NLGN4Y: variants seen among roughly 807,000 people sequenced by gnomAD.
The protein encoded by NLGN4Y is neuroligin 4 Y-linked.
In NLGN4Y, 4 loss-of-function variants were observed where a neutral mutation model predicts 8.4. The ratio of observed to expected loss-of-function variants is 0.48; its 90% CI spans 0.23 to 1.09. The LOEUF is 1.09. Ranked by LOEUF, NLGN4Y falls within the 50% of genes least tolerant of loss-of-function variation. The probability of loss-of-function intolerance (pLI) is 0.19; values close to 1 mark genes in which losing one functional copy is unlikely to be tolerated. For synonymous variants in NLGN4Y, 35 were observed against 75.6 expected (o/e 0.46, Z 2.78); for missense variants, 90 against 192.3 (o/e 0.47, Z 3.15).
intron 2 of NLGN4Y, among the ~76,000 whole-genome samples, chrY:14,659,524 T>C (rs367857869): frequency 3.3e-4 from 11 of 33,340 alleles, no homozygotes; most frequent in African/African-American, 1.3e-3. Context: ...GATATGCTCC[T>C]CCTAGTGAGA....
intron 1 of NLGN4Y, among the ~76,000 whole-genome samples, chrY:14,565,042 A>G: frequency 3.0e-5 from 1 of 32,892 alleles, no homozygotes; most frequent in Non-Finnish European, 7.4e-5. Context: ...CCAATGGTAG[A>G]TAAATCCACA....
At position 14,524,684 on chromosome Y, in the gene NLGN4Y, G is replaced by A; in HGVS notation, c.-136G>A. 1 of 120,388 alleles carries A rather than the reference G, an allele frequency of 8.3e-6. No individual in the cohort carries two copies. Among genetic ancestry groups the A allele is most frequent in the Admixed American group, 1.0e-4 (1 of 9,767 alleles). 30.0% of individuals were successfully genotyped at this position (120,388 alleles called of 400,897 possible). A position where few individuals can be genotyped will look rare whatever the true frequency, so the allele number is the denominator to read the frequency against. ...CTTGGCTTGACCTGCGGAAGCGCGG[G>A]CCGGGATGGCGTGGGGAGAGGGAGG... On this transcript the variant is annotated 5_prime_UTR_variant, in exon 1 of 7. Coordinates refer to ENST00000684976, the MANE Select transcript of NLGN4Y (RefSeq NM_001365588.1).
rs943794902 is a variant in NLGN4Y, at chrY:14,598,196, G to C, written c.-111-23813G>C. On this transcript the variant is annotated intron_variant, in intron 1 of 6. Coordinates refer to ENST00000684976, the MANE Select transcript of NLGN4Y (RefSeq NM_001365588.1). ...GACTGCCAGTCCTGCGCCATGCGCT[G>C]GCATTCCTCAGCCCTTGGGTGGTCA... Among the ~76,000 whole-genome samples, 8 of 35,048 alleles carry C rather than the reference G, an allele frequency of 2.3e-4. No homozygotes were observed. The South Asian group carries it at 3.7e-3, about 16-fold the overall frequency. 94.0% of individuals were successfully genotyped at this position (35,048 alleles called of 37,273 possible).
intron 4 of NLGN4Y, among the ~76,000 whole-genome samples, chrY:14,793,092 C>T: frequency 3.1e-5 from 1 of 32,664 alleles, no homozygotes. Flanking sequence ...TTCACGATCT[C>T]TTCTTTTCTT....
At chrY:14,597,157 G>A (rs1009531941) in intron 1 of NLGN4Y, among the ~76,000 whole-genome samples, 1 of 31,292 alleles carries the variant, frequency 3.2e-5, no homozygotes, top group Non-Finnish European at 7.7e-5. Context: ...TTAAGGTAGC[G>A]CGTCTGGAGT....
At chrY:14,836,147 G>T in intron 6 of NLGN4Y, among the ~76,000 whole-genome samples, 1 of 33,440 alleles carries the variant, frequency 3.0e-5, no homozygotes, top group African/African-American at 1.2e-4. Flanking sequence ...CCTGTAGCAA[G>T]GAGGTGTTTC....
intron 4 of NLGN4Y, among the ~76,000 whole-genome samples, chrY:14,788,970 T>A (rs2042977541): frequency 6.4e-5 from 2 of 31,247 alleles, no homozygotes; most frequent in South Asian, 1.5e-3. Context: ...TTCTTTTTTT[T>A]TTTTTCTTTG....
chrY:14,711,967 G>A (rs2080900350), intron 2 of NLGN4Y, among the ~76,000 whole-genome samples: 1 of 30,447 alleles, frequency 3.3e-5, no homozygotes, highest in Non-Finnish European at 7.9e-5. Context: ...CCAGCTACTC[G>A]GGAAGCTGAG....
chrY:14,747,795 G>A, intron 4 of NLGN4Y, among the ~76,000 whole-genome samples: 5 of 33,932 alleles, frequency 1.5e-4, no homozygotes, highest in African/African-American at 5.7e-4. Context: ...TAAGATTACA[G>A]ATGTGAGCTG....
intron 4 of NLGN4Y, among the ~76,000 whole-genome samples, chrY:14,811,435 A>G: frequency 3.0e-5 from 1 of 33,433 alleles, no homozygotes; most frequent in Non-Finnish European, 7.4e-5. Context: ...ATTCATATAT[A>G]TGGTTATATA....
intron 4 of NLGN4Y, among the ~76,000 whole-genome samples, chrY:14,744,950 G>A (rs772322777): frequency 7.6e-4 from 25 of 33,104 alleles, no homozygotes; most frequent in African/African-American, 2.9e-3. Context: ...CTGTTAAATC[G>A]GATTTGCATA....
intron 5 of NLGN4Y, among the ~76,000 whole-genome samples, chrY:14,828,161 T>C (rs2043155620): frequency 3.1e-5 from 1 of 32,763 alleles, no homozygotes. Context: ...GTTTGACTTA[T>C]GGGTGATTTT....
intron 4 of NLGN4Y, among the ~76,000 whole-genome samples, chrY:14,792,692 G>C (rs777847142): frequency 4.3e-5 from 1 of 23,153 alleles, no homozygotes; most frequent in African/African-American, 1.7e-4. Flanking sequence ...CAGGAGGCTT[G>C]AGGTGGGAGG....
intron 1 of NLGN4Y, among the ~76,000 whole-genome samples, chrY:14,563,979 C>CA: frequency 3.1e-5 from 1 of 32,341 alleles, no homozygotes; most frequent in African/African-American, 1.2e-4. Flanking sequence ...TTGATCTTTT[C>CA]AAAAAAACCA....
At chrY:14,609,175 T>C (rs2080458120) in intron 1 of NLGN4Y, among the ~76,000 whole-genome samples, 1 of 33,178 alleles carries the variant, frequency 3.0e-5, no homozygotes, top group African/African-American at 1.2e-4. Context: ...TAATTTGACT[T>C]CCTCTCCTGC....
At chrY:14,623,901 T>C in intron 2 of NLGN4Y, among the ~76,000 whole-genome samples, 1 of 33,368 alleles carries the variant, frequency 3.0e-5, no homozygotes, top group South Asian at 6.8e-4. Context: ...GTCATTAGGG[T>C]GACAGATCTC....
upstream of NLGN4Y, chrY:14,523,503 G>A (rs1273986551): frequency 8.3e-6 from 1 of 120,582 alleles, no homozygotes; most frequent in Non-Finnish European, 1.8e-5. Context: ...ACACATACAT[G>A]CAGTACAGGG....
At chrY:14,799,300 C>T in intron 4 of NLGN4Y, among the ~76,000 whole-genome samples, 1 of 33,761 alleles carries the variant, frequency 3.0e-5, no homozygotes, top group African/African-American at 1.2e-4. Context: ...ACCACTTCCA[C>T]CCTCTGCCAG....
At chrY:14,763,112 C>T (rs2081085508) in intron 4 of NLGN4Y, among the ~76,000 whole-genome samples, 1 of 33,549 alleles carries the variant, frequency 3.0e-5, no homozygotes, top group Non-Finnish European at 7.4e-5. Context: ...TTTACGTTTG[C>T]CAAAGAGTAT....
Sources: allele counts gnomAD v4.1 joint callset (sites outside exome capture counted in the v4.1 genomes callset), GRCh38; gene constraint gnomAD v4.1.1; transcripts MANE v1.5; gene names NCBI Gene and HGNC (gene_info 2026-07-23, HGNC 2026-07-21).